The following NHSL1 variants were observed in gnomAD, a reference collection of about 807,000 sequenced individuals.
NHSL1 encodes NHS-like protein 1.
A neutral mutation model predicts 95.0 loss-of-function variants in NHSL1; 48 were observed. The observed-to-expected ratio is 0.51, with a 90% confidence interval of 0.40 to 0.64. The LOEUF (loss-of-function observed/expected upper bound fraction) is 0.64, where lower values mean the gene tolerates loss of function less well. Ranked by LOEUF, NHSL1 falls within the 30% of genes least tolerant of loss-of-function variation. The probability of loss-of-function intolerance (pLI) is 0.00; values close to 1 mark genes in which losing one functional copy is unlikely to be tolerated. For synonymous variants in NHSL1, 783 were observed against 833.9 expected, an observed-to-expected ratio of 0.94 and a Z score of 1.05; for missense variants, 1,971 against 2,077.7, an observed-to-expected ratio of 0.95 and a Z score of 1.00.
At chr6:138,441,563 C>T (rs1776524859) in intron 5 of NHSL1, among the ~76,000 whole-genome samples, 1 of 152,110 alleles carries the variant, frequency 6.6e-6, no homozygotes, top group South Asian at 2.1e-4. Context: ...GACAAAATGC[C>T]ACCAGTAGTG....
intron 1 of NHSL1, among the ~76,000 whole-genome samples, chr6:138,633,178 G>A (rs1162223331): frequency 1.3e-5 from 2 of 152,176 alleles, no homozygotes; most frequent in South Asian, 2.1e-4. Context: ...AAAGAACAAT[G>A]AAGCATGCCT....
chr6:138,553,888 C>G (rs1453661851), intron 1 of NHSL1, among the ~76,000 whole-genome samples: 1 of 152,166 alleles, frequency 6.6e-6, no homozygotes, highest in African/African-American at 2.4e-5. Context: ...ACAACAAACT[C>G]AGAAAGCAGT....
chr6:138,462,395 T>C (rs1778056193), intron 3 of NHSL1, among the ~76,000 whole-genome samples: 1 of 151,918 alleles, frequency 6.6e-6, no homozygotes, highest in Admixed American at 6.6e-5. Context: ...CAAGAACCAA[T>C]CCCATCAAGA....
At chr6:138,631,565 C>T (rs1026220788) in intron 1 of NHSL1, among the ~76,000 whole-genome samples, 4 of 152,156 alleles carry the variant, frequency 2.6e-5, no homozygotes, top group Non-Finnish European at 4.4e-5. Flanking sequence ...ATGAGGCCCC[C>T]TTCCCAGGCC....
chr6:138,490,801 T>C (rs1780030828), intron 2 of NHSL1, among the ~76,000 whole-genome samples: 1 of 152,076 alleles, frequency 6.6e-6, no homozygotes, highest in Non-Finnish European at 1.5e-5. Context: ...ACCCGGCTAA[T>C]TTTTGTATTT....
intron 1 of NHSL1, among the ~76,000 whole-genome samples, chr6:138,639,593 G>A (rs970468312): frequency 6.6e-6 from 1 of 150,598 alleles, no homozygotes; most frequent in African/African-American, 2.4e-5. Context: ...AGTAAGCCGA[G>A]ATCGGGCCAC....
At chr6:138,472,315 T>C (rs988974894) in intron 3 of NHSL1, among the ~76,000 whole-genome samples, 2 of 152,172 alleles carry the variant, frequency 1.3e-5, no homozygotes, top group Non-Finnish European at 2.9e-5. Context: ...TGGAGTACAA[T>C]GGAGTGACCA....
At chr6:138,482,117 A>G (rs1779447922) in intron 2 of NHSL1, among the ~76,000 whole-genome samples, 1 of 152,194 alleles carries the variant, frequency 6.6e-6, no homozygotes, top group African/African-American at 2.4e-5. Context: ...GGGAAAAGGG[A>G]AATTTCCTGA....
chr6:138,572,160 G>A (rs1303032772), exon 1 of NHSL1: 4 of 433,900 alleles, frequency 9.2e-6, no homozygotes, highest in African/African-American at 4.1e-5. Flanking sequence ...TTCTAGATCC[G>A]CGATATCCAC....
intron 1 of NHSL1, among the ~76,000 whole-genome samples, chr6:138,633,559 T>C (rs1784850421): frequency 6.6e-6 from 1 of 152,184 alleles, no homozygotes; most frequent in African/African-American, 2.4e-5. Context: ...GAAAAAACTT[T>C]TACCCTAGAA....
At chr6:138,628,458 G>A (rs1240849488) in intron 1 of NHSL1, among the ~76,000 whole-genome samples, 1 of 152,148 alleles carries the variant, frequency 6.6e-6, no homozygotes, top group Non-Finnish European at 1.5e-5. Context: ...TTGAGTTACT[G>A]TATGGAGCTG....
At chr6:138,599,609 T>C (rs1457718938) in intron 1 of NHSL1, among the ~76,000 whole-genome samples, 1 of 152,182 alleles carries the variant, frequency 6.6e-6, no homozygotes, top group African/African-American at 2.4e-5. Context: ...ATGGACCAAG[T>C]GTATAACCCA....
At chr6:138,611,348 T>A (rs1038564960) in intron 1 of NHSL1, among the ~76,000 whole-genome samples, 1 of 152,204 alleles carries the variant, frequency 6.6e-6, no homozygotes, top group Non-Finnish European at 1.5e-5. Context: ...ATAGGAATGA[T>A]TTCGTATTTA....
Position 138,431,077 on chromosome 6 carries a change from C to T in NHSL1, c.3268G>A (p.Ala1090Thr). 1 of 1,551,960 alleles carries T rather than the reference C, an allele frequency of 6.4e-7. No individual in the cohort carries two copies. Among genetic ancestry groups the T allele is most frequent in the Non-Finnish European group, 8.7e-7 (1 of 1,147,038 alleles). The change falls in exon 6 of 8, where the codon GCA (alanine) becomes ACA (threonine). Residue 1090 changes from alanine (A) to threonine (T), a missense_variant. Ala to Thr is a moderately conservative substitution (Grantham distance 58). Around this residue, in one of 3 missense-constraint regions of NHSL1, gnomAD observed 1,602 missense variants for 1,654.5 expected, o/e 0.97. Coordinates refer to ENST00000343505, the MANE Select transcript of NHSL1 (RefSeq NM_001144060.2). The surrounding 1 kb of genome is among the most constrained non-coding windows in gnomAD (Gnocchi z 4.0). Reference sequence around the variant, plus strand: ...TGAGCTGTTCGTTCAGACAACTGTGCCGCCTCAGCGCCTGAGTTCTTTCTC... The same window carrying T: ...TGAGCTGTTCGTTCAGACAACTGTGTCGCCTCAGCGCCTGAGTTCTTTCTC... Reference protein sequence around the residue: ...PVRKNSGAEAAQLSERTAQEQ... With the variant: ...PVRKNSGAEATQLSERTAQEQ...
At chr6:138,535,137 A>G (rs1000387300) in intron 1 of NHSL1, among the ~76,000 whole-genome samples, 4 of 152,200 alleles carry the variant, frequency 2.6e-5, no homozygotes, top group African/African-American at 9.7e-5. Flanking sequence ...AAGGGAAGCT[A>G]TTATGATAAT....
chr6:138,524,947 T>C (rs147068478), intron 1 of NHSL1, among the ~76,000 whole-genome samples: 8 of 152,056 alleles, frequency 5.3e-5, no homozygotes, highest in African/African-American at 1.9e-4. Flanking sequence ...TTGCCAAAGG[T>C]TTGTGTAATA....
chr6:138,585,398 A>AT lies in NHSL1; in HGVS notation c.97-89028dup, dbSNP rs568523644. Among the ~76,000 whole-genome samples the AT allele has an allele frequency of 3.8e-4, 58 of 152,312 alleles. 2 individuals are homozygous for AT. In the East Asian group the frequency reaches 0.011, roughly 29 times the overall value. ...GTCATTTCACCTACTTGTGAGGCATATTTTTCTTCACTAAAGGATGTGAGG... is the reference window on the plus strand; with the variant it reads ...GTCATTTCACCTACTTGTGAGGCATATTTTTTCTTCACTAAAGGATGTGAGG... On this transcript the variant is annotated intron_variant, in intron 1 of 3. Coordinates refer to the NHSL1 transcript ENST00000491526.
At chr6:138,663,884 C>T (rs568798550) in intron 1 of NHSL1, among the ~76,000 whole-genome samples, 1 of 151,782 alleles carries the variant, frequency 6.6e-6, no homozygotes. Context: ...GAAAAAAAAT[C>T]ATTCTAGGAA....
At chr6:138,601,124 G>T (rs573545858) in intron 1 of NHSL1, among the ~76,000 whole-genome samples, 1 of 152,092 alleles carries the variant, frequency 6.6e-6, no homozygotes, top group Non-Finnish European at 1.5e-5. Flanking sequence ...ATAAAATCTG[G>T]TTCCACTATA....
Sources: gnomAD v4.1 joint callset for allele counts (sites outside exome capture counted in the v4.1 genomes callset) on GRCh38, gnomAD v4.1.1 for gene constraint, gnomAD v4.1.1 regional missense constraint, Gnocchi (gnomAD v3.1) non-coding constraint, MANE v1.5 for transcripts, NCBI Gene and HGNC (gene_info 2026-07-23, HGNC 2026-07-21) for gene names.